M6PR: variants seen among roughly 807,000 people sequenced by gnomAD.
M6PR encodes mannose-6-phosphate receptor, cation dependent.
A neutral mutation model predicts 33.1 loss-of-function variants in M6PR; 19 were observed. That is an observed-to-expected ratio of 0.57 (90% CI 0.40 to 0.84). M6PR has a LOEUF of 0.84. Among genes scored for constraint, M6PR ranks in the 40% least tolerant of loss-of-function variants. M6PR has a pLI of 0.00. For missense variants in M6PR, 295 were observed against 336.0 expected (o/e 0.88, Z 0.95); for synonymous variants, 111 against 123.4 (o/e 0.90, Z 0.67).
chr12:8,942,086 A>G, intron 6 of M6PR, 146 bp from the exon 7 acceptor site: 1 of 953,424 alleles, frequency 1.0e-6, no homozygotes, highest in Admixed American at 2.7e-5. Flanking sequence ...ATCAGCCTAA[A>G]TTCAATTTGG....
rs1238434980 is a variant in M6PR at position 8,941,634 on chromosome 12, CAG to C, written c.*182_*183del. 1.2e-5 allele frequency: 8 copies of C among 667,168 alleles called. No individual in the cohort carries two copies. Among genetic ancestry groups the C allele is most frequent in the Non-Finnish European group, 2.0e-5 (8 of 399,382 alleles). 41.3% of individuals were successfully genotyped at this position (667,168 alleles called of 1,614,324 possible). On this transcript the variant is annotated 3_prime_UTR_variant, in exon 7 of 7. Coordinates refer to ENST00000000412, the MANE Select transcript of M6PR (RefSeq NM_002355.4). Reference sequence around the variant, plus strand: ...CAACTGTACCTCTCTAGAGAAAAAACAGAAAATAAGGAACAAAGGGAAGGCAG... The same window carrying C: ...CAACTGTACCTCTCTAGAGAAAAAACAAAATAAGGAACAAAGGGAAGGCAG...
At position 8,946,164 on chromosome 12, in the gene M6PR, T is replaced by C. The variant is rs991349525; in HGVS notation, c.176+65A>G. 4 of 1,478,708 alleles carry C rather than the reference T, an allele frequency of 2.7e-6. No individual in the cohort carries two copies. In the African/African-American group the frequency reaches 5.6e-5, roughly 21 times the overall value. 91.6% of individuals were successfully genotyped at this position (1,478,708 alleles called of 1,614,324 possible). A position where few individuals can be genotyped will look rare whatever the true frequency, so the allele number is the denominator to read the frequency against. ...AAAGAGAGCACATTATGAAATAAAA[T>C]CAGTAAGAAGAAAAGACTTTAACAT... is the stretch of plus-strand genomic sequence containing the variant. On this transcript the variant is annotated intron_variant, in intron 2 of 6. Transcript: ENST00000000412.
chr12:8,946,295 T>C lies in M6PR; in HGVS notation c.110A>G (p.Glu37Gly). 1 of 1,614,210 alleles carries C rather than the reference T, an allele frequency of 6.2e-7. No homozygotes were observed. Among genetic ancestry groups the C allele is most frequent in the Non-Finnish European group, 8.5e-7 (1 of 1,180,038 alleles). The change falls in exon 2 of 7, where the codon GAA becomes GGA. Residue 37 changes from glutamate (E) to glycine (G), a missense_variant. Physicochemically the swap from Glu to Gly is moderately conservative, Grantham distance 98. Coordinates refer to ENST00000000412, the MANE Select transcript of M6PR (RefSeq NM_002355.4). ...CTCTTTCTCTGACTCTTTACCCTTTTCTCCTACCAAGTCGCAAGTTTTTTC... is the reference window on the plus strand; with the variant it reads ...CTCTTTCTCTGACTCTTTACCCTTTCCTCCTACCAAGTCGCAAGTTTTTTC... ...TEEKTCDLVGEKGKESEKELA... is the reference protein window; with the variant it reads ...TEEKTCDLVGGKGKESEKELA...
At chr12:8,946,659 A>C in intron 1 of M6PR, 1 of 336,624 alleles carries the variant, frequency 3.0e-6, no homozygotes, top group Non-Finnish European at 5.4e-6. Flanking sequence ...AGTTGGGAAG[A>C]GGGAAATGAA....
At chr12:8,948,973 T>C (rs1469622295) in intron 1 of M6PR, among the ~76,000 whole-genome samples, 1 of 152,246 alleles carries the variant, frequency 6.6e-6, no homozygotes, top group African/African-American at 2.4e-5. Flanking sequence ...GTAGCGGCTA[T>C]GTCCCAAGAG....
At chr12:8,942,228 G>A (rs1469483139) in intron 6 of M6PR, 188 bp downstream of exon 6, 2 of 745,312 alleles carry the variant, frequency 2.7e-6, no homozygotes, top group East Asian at 2.7e-5. Context: ...TCTTACCAAG[G>A]CCAGAAATGG....
At chr12:8,942,074 C>T (rs970241822) in intron 6 of M6PR, 134 bp from the exon 7 acceptor site, 7 of 1,019,632 alleles carry the variant, frequency 6.9e-6, no homozygotes, top group Non-Finnish European at 9.9e-6. Flanking sequence ...AAAGATCTGA[C>T]AATCAGCCTA....
intron 1 of M6PR, 168 bp from the exon 2 acceptor site, chr12:8,946,573 G>T: frequency 1.9e-6 from 1 of 521,752 alleles, no homozygotes; most frequent in Non-Finnish European, 3.3e-6. Context: ...TGTAACAAGA[G>T]CATCTGCAGC....
In M6PR at chr12:8,941,448, G is replaced by A; in HGVS notation, c.*370C>T. 1 of 184,370 alleles carries A rather than the reference G, an allele frequency of 5.4e-6. No individual in the cohort carries two copies. Among genetic ancestry groups the A allele is most frequent in the Non-Finnish European group, 1.1e-5 (1 of 87,942 alleles). 11.4% of individuals were successfully genotyped at this position (184,370 alleles called of 1,614,324 possible). A position where few individuals can be genotyped will look rare whatever the true frequency, so the allele number is the denominator to read the frequency against. ...TCTTGGCATTTTTTTTTTAATTAAAGAAATCCAGTGTCTCAAAAACTTGTG... is the reference window on the plus strand; with the variant it reads ...TCTTGGCATTTTTTTTTTAATTAAAAAAATCCAGTGTCTCAAAAACTTGTG... On this transcript the variant is annotated 3_prime_UTR_variant, in exon 7 of 7. Coordinates refer to ENST00000000412, the MANE Select transcript of M6PR (RefSeq NM_002355.4).
chr12:8,946,465 T>TA (rs1946096709), intron 1 of M6PR, 60 bp from the exon 2 acceptor site: 1 of 1,337,342 alleles, frequency 7.5e-7, no homozygotes, highest in Non-Finnish European at 1.1e-6. Flanking sequence ...AGGAAAGAGA[T>TA]AAAGCGTATG....
chr12:8,942,215 A>G (rs1946023610), intron 6 of M6PR: 4 of 713,178 alleles, frequency 5.6e-6, no homozygotes, highest in Middle Eastern at 4.0e-4. Context: ...TCTTTCAGCA[A>G]TGTCTTACCA....
Position 8,941,499 on chromosome 12 carries a change from C to G in M6PR, c.*319G>C, listed in dbSNP as rs1946006971. 4.4e-6 allele frequency: 1 copy of G among 228,668 alleles called. No homozygotes were observed. Among genetic ancestry groups the G allele is most frequent in the Non-Finnish European group, 8.5e-6 (1 of 117,808 alleles). The allele number at this position is 228,668 out of a possible 1,614,324, so 14.2% of individuals were successfully genotyped here. A position where few individuals can be genotyped will look rare whatever the true frequency, so the allele number is the denominator to read the frequency against. ...AAAATGTGTTTAAAAAACAAACGGC[C>G]AGTGAGCCTGCTACACCATTTTGCC... On this transcript the variant is annotated 3_prime_UTR_variant, in exon 7 of 7. Coordinates refer to ENST00000000412, the MANE Select transcript of M6PR (RefSeq NM_002355.4).
At chr12:8,945,900 A>C (rs1946086922) in intron 2 of M6PR, among the ~76,000 whole-genome samples, 1 of 152,214 alleles carries the variant, frequency 6.6e-6, no homozygotes, top group East Asian at 1.9e-4. Flanking sequence ...CTCGTTTCTT[A>C]GGGACCAACT....
At position 8,940,489 on chromosome 12, in the gene M6PR, A is replaced by ATTAT. The variant is rs1307167978; in HGVS notation, c.*1325_*1328dup. 1 of 139,360 alleles carries ATTAT rather than the reference A, an allele frequency of 7.2e-6. No individual in the cohort carries two copies. The highest frequency in any genetic ancestry group is 1.6e-5 in the Non-Finnish European group (1 of 64,030). 8.6% of individuals were successfully genotyped at this position (139,360 alleles called of 1,614,324 possible). On this transcript the variant is annotated 3_prime_UTR_variant, in exon 7 of 7. Coordinates refer to ENST00000000412, the MANE Select transcript of M6PR (RefSeq NM_002355.4). ...ATAACAAAAAAGATGCTTTTGTAAC[A>ATTAT]TTATTTTCCCTGTTTAGAAAGAAAA...
chr12:8,942,625 G>A, intron 5 of M6PR, 83 bp from the exon 6 acceptor site: 1 of 1,444,348 alleles, frequency 6.9e-7, no homozygotes, highest in Admixed American at 1.9e-5. Flanking sequence ...TTTATTGTCA[G>A]CTGTTTCCTA....
Position 8,941,688 on chromosome 12 carries a change from AAAGC to A in M6PR, c.*126_*129del. On this transcript the variant is annotated 3_prime_UTR_variant, in exon 7 of 7. Coordinates refer to ENST00000000412, the MANE Select transcript of M6PR (RefSeq NM_002355.4). ...TTTACTAGTGAGAAGATGCAAATCA[AAAGC>A]AAACTGGAAAGCAAGAGCAATAGTA... is the stretch of plus-strand genomic sequence containing the variant. The A allele has an allele frequency of 3.3e-6, 4 of 1,220,300 alleles. No homozygotes were observed. Among genetic ancestry groups the A allele is most frequent in the Non-Finnish European group, 4.7e-6 (4 of 855,704 alleles). 75.6% of individuals were successfully genotyped at this position (1,220,300 alleles called of 1,614,324 possible). A position where few individuals can be genotyped will look rare whatever the true frequency, so the allele number is the denominator to read the frequency against.
rs1805765 is a variant in M6PR, at chr12:8,941,952, A to C, written c.712-12T>G. The C allele has an allele frequency of 1.4e-5, 22 of 1,613,440 alleles. No individual in the cohort carries two copies. The highest frequency in any genetic ancestry group is 1.8e-5 in the Non-Finnish European group (21 of 1,179,530). On this transcript the variant is annotated splice_polypyrimidine_tract_variant and intron_variant, in intron 6 of 6. Transcript: ENST00000000412. ...AAGTCACAGCCATCCTGTAGGGGGA[A>C]AAAAAAGAAGGAAATAATTCGCAGC...
At chr12:8,945,157 CA>C in intron 3 of M6PR, 1 of 339,742 alleles carries the variant, frequency 2.9e-6, no homozygotes, top group Non-Finnish European at 5.5e-6. Flanking sequence ...GACTCCGTCT[CA>C]AAACAAAACA....
At chr12:8,947,997 A>G (rs904586492) in intron 1 of M6PR, among the ~76,000 whole-genome samples, 1 of 152,216 alleles carries the variant, frequency 6.6e-6, no homozygotes, top group South Asian at 2.1e-4. Context: ...AAAAAGAAAT[A>G]GGAGACTCCT....
Sources: allele counts gnomAD v4.1 joint callset (sites outside exome capture counted in the v4.1 genomes callset), GRCh38; gene constraint gnomAD v4.1.1; transcripts MANE v1.5; gene names NCBI Gene and HGNC (gene_info 2026-07-23, HGNC 2026-07-21).